The following ZDHHC7 variants were observed in gnomAD, a reference collection of about 807,000 sequenced individuals.
ZDHHC7 encodes the protein zDHHC palmitoyltransferase 7.
ZDHHC7 carries 12 observed loss-of-function variants against 34.1 expected under a neutral mutation model. The observed-to-expected ratio is 0.35, with a 90% CI of 0.23 to 0.57. ZDHHC7 has a LOEUF of 0.57. Among genes scored for constraint, ZDHHC7 ranks in the 20% least tolerant of loss-of-function variants. The pLI is 0.84. For missense variants in ZDHHC7, 388 were observed against 402.7 expected, an observed-to-expected ratio of 0.96 and a Z score of 0.31; for synonymous variants, 185 against 155.4, an observed-to-expected ratio of 1.19 and a Z score of -1.42.
At chr16:85,016,540 C>T in the ZDHHC7 span, among the ~76,000 whole-genome samples, 2 of 151,994 alleles carry the variant, frequency 1.3e-5, no homozygotes, top group African/African-American at 2.4e-5. Context: ...ACTGCAGCCT[C>T]GAACTCCTTG....
intron 1 of ZDHHC7, among the ~76,000 whole-genome samples, chr16:85,008,572 T>A (rs1380397148): frequency 6.6e-6 from 1 of 151,694 alleles, no homozygotes; most frequent in East Asian, 1.9e-4. Context: ...GGACTGGCAC[T>A]ATTCCCACTC....
At position 84,990,409 on chromosome 16, in the gene ZDHHC7, C is replaced by G; in HGVS notation, c.210G>C (p.Leu70=). 1 of 1,614,118 alleles carries G rather than the reference C, an allele frequency of 6.2e-7. No individual in the cohort carries two copies. The highest frequency in any genetic ancestry group is 8.5e-7 in the Non-Finnish European group (1 of 1,180,020). Residue 70 remains leucine (L), a synonymous_variant, in exon 3 of 8, where the codon CTG becomes CTC. Coordinates refer to ENST00000313732, the MANE Select transcript of ZDHHC7 (RefSeq NM_017740.3). ...AGTACCAGAAGTCTTTGGAAGGCAG[C>G]AGCATGACGAAAGTCACCACGAAGT... ...YADFVVTFVM[L]LPSKDFWYSV...
chr16:84,980,140 A>G (rs1404983202), intron 4 of ZDHHC7, among the ~76,000 whole-genome samples: 2 of 148,952 alleles, frequency 1.3e-5, no homozygotes, highest in Non-Finnish European at 3.0e-5. Flanking sequence ...TTTTTTTTCT[A>G]TTTTTAGTAG....
At chr16:84,983,085 C>T (rs956908893) in intron 3 of ZDHHC7, among the ~76,000 whole-genome samples, 13 of 152,208 alleles carry the variant, frequency 8.5e-5, no homozygotes, top group Non-Finnish European at 1.6e-4. Context: ...GGTTCCAATG[C>T]CTCAAGAAGA....
At chr16:84,996,974 C>T (rs1051366844) in intron 1 of ZDHHC7, among the ~76,000 whole-genome samples, 1 of 149,464 alleles carries the variant, frequency 6.7e-6, no homozygotes, top group African/African-American at 2.5e-5. Flanking sequence ...TGCAGTAAGC[C>T]AAGATGGCAC....
At chr16:84,988,290 G>A (rs2072463636) in intron 3 of ZDHHC7, among the ~76,000 whole-genome samples, 1 of 152,092 alleles carries the variant, frequency 6.6e-6, no homozygotes. Context: ...AGGGGTGTGG[G>A]GTTCCTTTCT....
chr16:85,025,487 C>T, the ZDHHC7 span, among the ~76,000 whole-genome samples: 5 of 152,120 alleles, frequency 3.3e-5, no homozygotes, highest in Non-Finnish European at 5.9e-5. Flanking sequence ...CAGCTCACTG[C>T]AACCTCTGCC....
At position 84,976,146 on chromosome 16, in the gene ZDHHC7, T is replaced by C. The variant is rs17775993; in HGVS notation, c.*197A>G. ...TTCGTGTGGCCACACACCTTTCCGT[T>C]GTTGTACAGGTGGGGACTGAGAGCC... On this transcript the variant is annotated 3_prime_UTR_variant, in exon 8 of 8. Coordinates refer to ENST00000313732, the MANE Select transcript of ZDHHC7 (RefSeq NM_017740.3). The C allele has an allele frequency of 0.05, 33,619 of 674,864 alleles. 1,002 individuals are homozygous for C. The highest frequency in any genetic ancestry group is 0.069 in the Middle Eastern group (167 of 2,434). 41.8% of individuals were successfully genotyped at this position (674,864 alleles called of 1,614,324 possible).
At chr16:84,990,818 T>G (rs1597546131) in intron 2 of ZDHHC7, among the ~76,000 whole-genome samples, 183 bp from the exon 3 acceptor site, 1 of 152,174 alleles carries the variant, frequency 6.6e-6, no homozygotes, top group Non-Finnish European at 1.5e-5. Context: ...TTGATTGCTT[T>G]ACTACAACAC....
At chr16:85,010,454 C>G (rs2072775843) in intron 1 of ZDHHC7, among the ~76,000 whole-genome samples, 1 of 152,208 alleles carries the variant, frequency 6.6e-6, no homozygotes, top group Non-Finnish European at 1.5e-5. Context: ...TGACCTAAAT[C>G]TCTAAACCCC....
At chr16:84,988,906 G>A (rs1428479055) in intron 3 of ZDHHC7, 1 of 1,545,678 alleles carries the variant, frequency 6.5e-7, no homozygotes, top group African/African-American at 1.4e-5. Flanking sequence ...AAATCGCTGA[G>A]CTGGACCTGG....
the ZDHHC7 span, among the ~76,000 whole-genome samples, chr16:85,021,180 G>A: frequency 1.9e-4 from 29 of 152,134 alleles, no homozygotes; most frequent in Non-Finnish European, 2.9e-4. Context: ...TTGGGAGGCC[G>A]AGGTGGGCGG....
chr16:85,006,823 C>A (rs1012742357), intron 1 of ZDHHC7, among the ~76,000 whole-genome samples: 3 of 152,168 alleles, frequency 2.0e-5, no homozygotes, highest in African/African-American at 7.2e-5. Context: ...TCTGGCTCTC[C>A]CAACCTTTCC....
chr16:84,993,664 A>T (rs1480427251), intron 2 of ZDHHC7, among the ~76,000 whole-genome samples: 1 of 152,168 alleles, frequency 6.6e-6, no homozygotes, highest in Non-Finnish European at 1.5e-5. Flanking sequence ...TGTTTTAATT[A>T]AAAAAACTTT....
At chr16:85,018,636 G>A in the ZDHHC7 span, among the ~76,000 whole-genome samples, 4 of 151,914 alleles carry the variant, frequency 2.6e-5, no homozygotes, top group Non-Finnish European at 5.9e-5. Context: ...TAGTAGAGAC[G>A]GGGTATCTCC....
intron 5 of ZDHHC7, among the ~76,000 whole-genome samples, chr16:84,978,472 G>C (rs777968581): frequency 6.6e-6 from 1 of 152,146 alleles, no homozygotes; most frequent in African/African-American, 2.4e-5. Flanking sequence ...GGTGGCTCAC[G>C]CCTGTAATCC....
intron 3 of ZDHHC7, among the ~76,000 whole-genome samples, chr16:84,989,659 A>C (rs1245634647): frequency 7.3e-6 from 1 of 137,566 alleles, no homozygotes; most frequent in African/African-American, 2.9e-5. Context: ...CGCACATTGC[A>C]CTCCAGCCTG....
intron 3 of ZDHHC7, among the ~76,000 whole-genome samples, chr16:84,988,063 G>A (rs532242174): frequency 1.9e-4 from 29 of 152,174 alleles, no homozygotes; most frequent in Admixed American, 4.6e-4. Context: ...CCAGCTACTC[G>A]GAAGGCTGAG....
In ZDHHC7 at chr16:84,979,110, G is replaced by C. The variant is rs1001680516; in HGVS notation, c.537+79C>G. On this transcript the variant is annotated intron_variant, in intron 5 of 7. Transcript: ENST00000313732. Reference sequence around the variant, plus strand: ...GAGAGAAACTGGCCTGACGTTAGTAGATTTCTCTGCTCCAGGCAAGAAGCA... The same window carrying C: ...GAGAGAAACTGGCCTGACGTTAGTACATTTCTCTGCTCCAGGCAAGAAGCA... 4 of 1,403,170 alleles carry C rather than the reference G, an allele frequency of 2.9e-6. No homozygotes were observed. In the African/African-American group the frequency reaches 4.4e-5, roughly 15 times the overall value. The allele number at this position is 1,403,170 out of a possible 1,614,324, so 86.9% of individuals were successfully genotyped here. A position where few individuals can be genotyped will look rare whatever the true frequency, so the allele number is the denominator to read the frequency against.
Sources: gnomAD v4.1 joint callset for allele counts (sites outside exome capture counted in the v4.1 genomes callset) on GRCh38, gnomAD v4.1.1 for gene constraint, MANE v1.5 for transcripts, NCBI Gene and HGNC (gene_info 2026-07-23, HGNC 2026-07-21) for gene names.